The following PLCB4 variants were observed in gnomAD, a reference collection of about 807,000 sequenced individuals.
PLCB4 encodes the protein 1-phosphatidylinositol 4,5-bisphosphate phosphodiesterase beta-4.
PLCB4 carries 77 observed loss-of-function variants against 178.8 expected under a neutral mutation model. That is an observed-to-expected ratio of 0.43 (90% confidence interval 0.36 to 0.52). The LOEUF is 0.52. Among genes scored for constraint, PLCB4 ranks in the 20% least tolerant of loss-of-function variants. PLCB4 has a pLI of 0.00. For synonymous variants in PLCB4, 496 were observed against 490.8 expected (o/e 1.01, Z -0.14); for missense variants, 1,024 against 1,453.4 (o/e 0.70, Z 4.80).
intron 12 of PLCB4, among the ~76,000 whole-genome samples, chr20:9,373,717 A>AGCTTTGGT: frequency 1.3e-5 from 2 of 152,322 alleles, no homozygotes; most frequent in East Asian, 3.9e-4. Context: ...TAATTTTAGA[A>AGCTTTGGT]TGTGATTAAC....
chr20:9,462,769 A>G (rs1461920466), intron 35 of PLCB4, among the ~76,000 whole-genome samples: 1 of 152,218 alleles, frequency 6.6e-6, no homozygotes, highest in African/African-American at 2.4e-5. Context: ...GGACTATGTG[A>G]AAAGACCAAA....
chr20:9,234,655 G>A (rs1568993607), intron 3 of PLCB4, among the ~76,000 whole-genome samples: 1 of 152,132 alleles, frequency 6.6e-6, no homozygotes, highest in South Asian at 2.1e-4. Context: ...GGACCTTGAC[G>A]AGAGGAAAGA....
At chr20:9,424,239 A>G (rs2040840825) in intron 28 of PLCB4, among the ~76,000 whole-genome samples, 1 of 152,188 alleles carries the variant, frequency 6.6e-6, no homozygotes, top group South Asian at 2.1e-4. Context: ...TGAAGGGTAT[A>G]TTTATATTGA....
At chr20:9,126,028 G>T (rs6140866) in intron 2 of PLCB4, among the ~76,000 whole-genome samples, 1 of 151,848 alleles carries the variant, frequency 6.6e-6, no homozygotes, top group Non-Finnish European at 1.5e-5. Flanking sequence ...ATGCATGTAT[G>T]TGTGTGTGTG....
chr20:9,434,173 T>A (rs974031155), intron 28 of PLCB4, among the ~76,000 whole-genome samples: 2 of 152,170 alleles, frequency 1.3e-5, no homozygotes, highest in Non-Finnish European at 2.9e-5. Context: ...AATATGAGAA[T>A]GTTTCCCAAG....
At chr20:9,221,515 A>G (rs973116143) in intron 3 of PLCB4, among the ~76,000 whole-genome samples, 1 of 152,178 alleles carries the variant, frequency 6.6e-6, no homozygotes, top group African/African-American at 2.4e-5. Context: ...ACCAATCCAC[A>G]TTCCATCTTC....
chr20:9,384,710 T>C (rs959868718), intron 14 of PLCB4, among the ~76,000 whole-genome samples: 2 of 152,048 alleles, frequency 1.3e-5, no homozygotes, highest in South Asian at 4.1e-4. Context: ...GTTGAGTTTT[T>C]TGTTGATTAT....
chr20:9,417,521 G>T (rs920608563), intron 25 of PLCB4, among the ~76,000 whole-genome samples: 3 of 152,066 alleles, frequency 2.0e-5, no homozygotes, highest in Non-Finnish European at 2.9e-5. Flanking sequence ...GTTGTAATGT[G>T]TATCAATACT....
Position 9,419,999 on chromosome 20 carries a change from G to C in PLCB4, c.2154+90G>C, listed in dbSNP as rs2040513730. On this transcript the variant is annotated intron_variant, in intron 26 of 39. Coordinates refer to ENST00000378473, the MANE Select transcript of PLCB4 (RefSeq NM_001377142.1). ...TAAAATATTGAATGTTAAATTGCAA[G>C]ATCCATGTGCTGCTCACAACTTTGA... 7.3e-6 allele frequency: 6 copies of C among 818,478 alleles called. No individual in the cohort carries two copies. The East Asian group carries it at 1.5e-4, about 20-fold the overall frequency. The allele number at this position is 818,478 out of a possible 1,614,324, so 50.7% of individuals were successfully genotyped here.
chr20:9,302,990 G>A (rs906514874), intron 3 of PLCB4, among the ~76,000 whole-genome samples: 1 of 152,064 alleles, frequency 6.6e-6, no homozygotes, highest in African/African-American at 2.4e-5. Context: ...ATAAAATTCT[G>A]CAGAAAAGAG....
chr20:9,076,615 G>T (rs2089882053), intron 1 of PLCB4, among the ~76,000 whole-genome samples: 1 of 152,168 alleles, frequency 6.6e-6, no homozygotes, highest in Non-Finnish European at 1.5e-5. Context: ...GGTAGTAGCT[G>T]TATTTGTCCT....
intron 7 of PLCB4, among the ~76,000 whole-genome samples, chr20:9,359,947 T>C (rs921215203): frequency 6.6e-6 from 1 of 152,180 alleles, no homozygotes; most frequent in Non-Finnish European, 1.5e-5. Flanking sequence ...CAAAGAATCA[T>C]TAATATTTTT....
intron 2 of PLCB4, among the ~76,000 whole-genome samples, chr20:9,108,327 G>C (rs958197280): frequency 6.6e-6 from 1 of 152,100 alleles, no homozygotes; most frequent in South Asian, 2.1e-4. Context: ...AGGGCACTTA[G>C]AGGGTGGGGA....
At chr20:9,279,364 C>G (rs772504339) in intron 3 of PLCB4, among the ~76,000 whole-genome samples, 1 of 151,848 alleles carries the variant, frequency 6.6e-6, no homozygotes, top group East Asian at 1.9e-4. Context: ...TAGAAATGTT[C>G]ATTGCCTTGG....
At chr20:9,397,742 A>C (rs2038709597) in intron 19 of PLCB4, among the ~76,000 whole-genome samples, 1 of 152,312 alleles carries the variant, frequency 6.6e-6, no homozygotes, top group East Asian at 1.9e-4. Context: ...GGGAGGGTCT[A>C]AGAGGCTAAA....
At chr20:9,430,904 A>G (rs926163921) in intron 28 of PLCB4, among the ~76,000 whole-genome samples, 3 of 152,358 alleles carry the variant, frequency 2.0e-5, no homozygotes, top group East Asian at 3.9e-4. Flanking sequence ...ACTTAAGCAC[A>G]TGACTTTTTA....
At chr20:9,159,370 G>T (rs147124823) in intron 2 of PLCB4, among the ~76,000 whole-genome samples, 2 of 152,266 alleles carry the variant, frequency 1.3e-5, no homozygotes, top group East Asian at 3.9e-4. Context: ...GACAGTGTAT[G>T]ATATGCATGA....
At chr20:9,476,784 T>G (rs376101609) in intron 39 of PLCB4, 31 bp downstream of exon 39, 2 of 1,533,878 alleles carry the variant, frequency 1.3e-6, no homozygotes. Context: ...AGCAAGACGT[T>G]GCTTTCCTTC....
intron 2 of PLCB4, among the ~76,000 whole-genome samples, chr20:9,139,118 A>G (rs1312395096): frequency 6.6e-6 from 1 of 151,880 alleles, no homozygotes; most frequent in Non-Finnish European, 1.5e-5. Flanking sequence ...TTAAGCTTAT[A>G]CTCCCTGTCA....
Sources: allele counts gnomAD v4.1 joint callset (sites outside exome capture counted in the v4.1 genomes callset), GRCh38; gene constraint gnomAD v4.1.1; transcripts MANE v1.5; gene names NCBI Gene and HGNC (gene_info 2026-07-23, HGNC 2026-07-21).